Variants in GALNT11 observed in about 807,000 individuals in gnomAD.
GALNT11 encodes the protein polypeptide N-acetylgalactosaminyltransferase 11.
GALNT11 carries 47 observed loss-of-function variants against 72.7 expected under a neutral mutation model. The ratio of observed to expected loss-of-function variants is 0.65; its 90% confidence interval spans 0.51 to 0.82. GALNT11 has a LOEUF of 0.82. Among genes scored for constraint, GALNT11 ranks in the 40% least tolerant of loss-of-function variants. GALNT11 has a pLI of 0.00. For missense variants in GALNT11, 677 were observed against 778.4 expected, an observed-to-expected ratio of 0.87 and a Z score of 1.55; for synonymous variants, 270 against 286.6, an observed-to-expected ratio of 0.94 and a Z score of 0.58.
At chr7:152,034,139 T>C (rs1158323433) in intron 1 of GALNT11, among the ~76,000 whole-genome samples, 1 of 152,170 alleles carries the variant, frequency 6.6e-6, no homozygotes, top group Non-Finnish European at 1.5e-5. Flanking sequence ...CCAGGGGTTT[T>C]TGTGGTTCTT....
intron 1 of GALNT11, among the ~76,000 whole-genome samples, chr7:152,056,702 G>A (rs1175783349): frequency 6.6e-6 from 1 of 152,176 alleles, no homozygotes; most frequent in Non-Finnish European, 1.5e-5. Flanking sequence ...TGGAGGCTGT[G>A]TCCTTTGACT....
At chr7:152,108,702 G>A (rs1460392106) in intron 6 of GALNT11, among the ~76,000 whole-genome samples, 1 of 152,194 alleles carries the variant, frequency 6.6e-6, no homozygotes, top group Non-Finnish European at 1.5e-5. Context: ...TTAGGATTTT[G>A]AAGATGGATT....
At position 152,105,288 on chromosome 7, in the gene GALNT11, C is replaced by T. The variant is rs867609134; in HGVS notation, c.630C>T (p.Leu210=). The T allele has an allele frequency of 6.2e-7, 1 of 1,613,956 alleles. No individual in the cohort carries two copies. Among genetic ancestry groups the T allele is most frequent in the Non-Finnish European group, 8.5e-7 (1 of 1,179,932 alleles). ...TAGATGAATATGTCCAAAAATACCT[C>T]CCTGGAAAAATTAAAGTCATAAGAA... ...GELDEYVQKY[L]PGKIKVIRNT... The change falls in exon 5 of 12, where the codon CTC becomes CTT. Residue 210 remains leucine, a synonymous_variant. Transcript: ENST00000430044.
At chr7:152,047,406 G>C (rs2083183388) in intron 1 of GALNT11, among the ~76,000 whole-genome samples, 2 of 152,254 alleles carry the variant, frequency 1.3e-5, no homozygotes, top group South Asian at 4.1e-4. Context: ...GGAGGTTGTA[G>C]TGAGCCAAAA....
Position 152,039,063 on chromosome 7 carries a change from A to C in GALNT11, c.-39+13179A>C, listed in dbSNP as rs1349641091. ...CACTATACTGCCATGGTTCCAGATA[A>C]TAGGAACTCTTGTCATACTTCTTAC... is the stretch of plus-strand genomic sequence containing the variant. On this transcript the variant is annotated intron_variant, in intron 1 of 11. Coordinates refer to ENST00000430044, the MANE Select transcript of GALNT11 (RefSeq NM_022087.4). 2.6e-5 allele frequency among the ~76,000 whole-genome samples: 4 copies of C among 152,154 alleles called. No homozygotes were observed. The East Asian group carries it at 7.7e-4, about 29-fold the overall frequency.
At chr7:152,107,141 C>T (rs956676911) in intron 5 of GALNT11, 1 of 151,974 alleles carries the variant, frequency 6.6e-6, no homozygotes, top group Non-Finnish European at 1.5e-5. Flanking sequence ...AATCTTCATA[C>T]ATTTCACGAG....
At chr7:152,111,872 A>G (rs2088256109) in intron 7 of GALNT11, among the ~76,000 whole-genome samples, 1 of 152,192 alleles carries the variant, frequency 6.6e-6, no homozygotes, top group Non-Finnish European at 1.5e-5. Flanking sequence ...TTGTACTTTC[A>G]GAAACAGCTC....
At chr7:152,107,896 A>T in intron 5 of GALNT11, 142 bp from the exon 6 acceptor site, 1 of 872,154 alleles carries the variant, frequency 1.1e-6, no homozygotes, top group Non-Finnish European at 1.8e-6. Flanking sequence ...AGTGAAGTGT[A>T]GTGGAGCAGT....
At chr7:152,029,340 C>G (rs1176471840) in intron 1 of GALNT11, among the ~76,000 whole-genome samples, 2 of 152,174 alleles carry the variant, frequency 1.3e-5, no homozygotes, top group Admixed American at 6.5e-5. Flanking sequence ...GGTAAACTGG[C>G]TATTCCAGTT....
At chr7:152,046,964 T>C (rs766534372) in intron 1 of GALNT11, among the ~76,000 whole-genome samples, 17 of 152,370 alleles carry the variant, frequency 1.1e-4, no homozygotes, top group Middle Eastern at 3.4e-3. Flanking sequence ...ATCTATCATA[T>C]GTTTTTAGAT....
In GALNT11 at chr7:152,117,065, T is replaced by C. The variant is rs186531505; in HGVS notation, c.1234-92T>C. On this transcript the variant is annotated intron_variant, in intron 8 of 11. Coordinates refer to ENST00000430044, the MANE Select transcript of GALNT11 (RefSeq NM_022087.4). The stretch of plus-strand genomic sequence containing the variant: ...TACATGTTATTATCATTGTTAGTAA[T>C]GGACTTAATCGTGTAAAAAATCTCT... The C allele has an allele frequency of 1.3e-5, 14 of 1,074,480 alleles. 1 individual carries two copies. The Admixed American group carries it at 3.2e-4, about 24-fold the overall frequency. The allele number at this position is 1,074,480 out of a possible 1,614,324, so 66.6% of individuals were successfully genotyped here.
chr7:152,049,282 A>G lies in GALNT11; in HGVS notation c.-39+23398A>G, dbSNP rs145876183. On this transcript the variant is annotated intron_variant, in intron 1 of 11. Coordinates refer to ENST00000430044, the MANE Select transcript of GALNT11 (RefSeq NM_022087.4). ...TCCTTCCTGGAAAGACTTTCCATATATTCAAAGGAACTTGGATGTTGTGAT... is the reference window on the plus strand; with the variant it reads ...TCCTTCCTGGAAAGACTTTCCATATGTTCAAAGGAACTTGGATGTTGTGAT... Among the ~76,000 whole-genome samples the G allele has an allele frequency of 3.5e-4, 54 of 152,316 alleles. 1 individual carries two copies. The highest frequency in any genetic ancestry group is 1.3e-3 in the Admixed American group (20 of 15,294).
intron 1 of GALNT11, among the ~76,000 whole-genome samples, chr7:152,029,661 G>A (rs1393524064): frequency 2.6e-5 from 4 of 152,152 alleles, no homozygotes; most frequent in Non-Finnish European, 5.9e-5. Flanking sequence ...CAAACAGCTC[G>A]CACATTTGAG....
At chr7:152,120,754 A>G (rs773535541) in intron 10 of GALNT11, 77 bp from the exon 11 acceptor site, 2 of 1,261,448 alleles carry the variant, frequency 1.6e-6, no homozygotes. Flanking sequence ...TACAGAATCA[A>G]TATGTGGAAG....
At chr7:152,049,424 A>G (rs2083288691) in intron 1 of GALNT11, among the ~76,000 whole-genome samples, 1 of 152,160 alleles carries the variant, frequency 6.6e-6, no homozygotes, top group African/African-American at 2.4e-5. Flanking sequence ...TAAGATCTAG[A>G]AGATTTCTCT....
At position 152,122,266 on chromosome 7, in the gene GALNT11, C is replaced by T. The variant is rs995844615; in HGVS notation, c.*589C>T. ...ACTTCAGAAGGCATCATTTATAAGA[C>T]AGTATGGCAGTTAATTATAAAATTA... is the stretch of plus-strand genomic sequence containing the variant. On this transcript the variant is annotated 3_prime_UTR_variant, in exon 12 of 12. Coordinates refer to ENST00000430044, the MANE Select transcript of GALNT11 (RefSeq NM_022087.4). The T allele has an allele frequency of 2.0e-5, 3 of 151,958 alleles. No homozygotes were observed. The highest frequency in any genetic ancestry group is 7.2e-5 in the African/African-American group (3 of 41,380). The allele number at this position is 151,958 out of a possible 1,614,324, so 9.4% of individuals were successfully genotyped here. A position where few individuals can be genotyped will look rare whatever the true frequency, so the allele number is the denominator to read the frequency against.
At chr7:152,054,503 CTTTT>C (rs1037895401) in intron 1 of GALNT11, among the ~76,000 whole-genome samples, 1 of 72,108 alleles carries the variant, frequency 1.4e-5, no homozygotes, top group African/African-American at 5.1e-5. Context: ...TTTTTCTTGT[CTTTT>C]TTTTTTTTTT....
intron 1 of GALNT11, among the ~76,000 whole-genome samples, chr7:152,063,958 G>A (rs369146860): frequency 6.6e-5 from 10 of 152,170 alleles, no homozygotes; most frequent in African/African-American, 2.4e-4. Flanking sequence ...AGAGAGTTCT[G>A]TAGATGTCTA....
chr7:152,118,711 G>A lies in GALNT11; in HGVS notation c.1486G>A (p.Ala496Thr). ...CCTCCAGACCAACAAATGCCTGGTG[G>A]CCCAGGGCCGCCCAAGTCAGAAGGG... ...YHLQTNKCLV[A>T]QGRPSQKGGL... The change falls in exon 10 of 12, where the codon GCC becomes ACC. Residue 496 changes from alanine (A) to threonine (T), a missense_variant. By Grantham distance (58) the Ala-to-Thr change is moderately conservative. Transcript: ENST00000430044. 6.2e-7 allele frequency: 1 copy of A among 1,610,130 alleles called. No individual in the cohort carries two copies. The highest frequency in any genetic ancestry group is 8.5e-7 in the Non-Finnish European group (1 of 1,178,318).
Sources: allele counts gnomAD v4.1 joint callset (sites outside exome capture counted in the v4.1 genomes callset), GRCh38; gene constraint gnomAD v4.1.1; transcripts MANE v1.5; gene names NCBI Gene and HGNC (gene_info 2026-07-23, HGNC 2026-07-21).